RIGI: variants seen among roughly 807,000 people sequenced by gnomAD.
RIGI encodes the protein antiviral innate immune response receptor RIG-I.
At chr9:32,480,330 T>C in the RIGI span, 1 of 1,604,454 alleles carries the variant, frequency 6.2e-7, no homozygotes, top group African/African-American at 1.3e-5. Context: ...GCATGCTCAC[T>C]GATAATGAGG....
the RIGI span, among the ~76,000 whole-genome samples, chr9:32,497,582 C>T: frequency 6.6e-6 from 1 of 152,136 alleles, no homozygotes; most frequent in Non-Finnish European, 1.5e-5. Flanking sequence ...CCCGTCTCTA[C>T]TAAAAATACA....
the RIGI span, among the ~76,000 whole-genome samples, chr9:32,462,271 T>C: frequency 1.3e-5 from 2 of 152,154 alleles, no homozygotes; most frequent in East Asian, 1.9e-4. Context: ...GCTACACTTA[T>C]TGTCACTGCG....
At chr9:32,468,485 G>C in the RIGI span, among the ~76,000 whole-genome samples, 1 of 152,090 alleles carries the variant, frequency 6.6e-6, no homozygotes, top group Non-Finnish European at 1.5e-5. Context: ...GGTTAACACA[G>C]GGAGAACCCA....
At chr9:32,521,786 A>G in the RIGI span, among the ~76,000 whole-genome samples, 2 of 152,024 alleles carry the variant, frequency 1.3e-5, no homozygotes, top group East Asian at 1.9e-4. Flanking sequence ...TAAAATTCTG[A>G]TATGTCTTAA....
the RIGI span, among the ~76,000 whole-genome samples, chr9:32,501,761 A>G: frequency 1.3e-5 from 2 of 152,204 alleles, no homozygotes; most frequent in Admixed American, 6.5e-5. Flanking sequence ...CTATATTCTC[A>G]TAGATTAGAA....
At chr9:32,487,763 GGAGGCACATAATGCATATTTACTAA>G in the RIGI span, 20 of 1,239,078 alleles carry the variant, frequency 1.6e-5, no homozygotes, top group African/African-American at 3.0e-5. Context: ...TATGGCACAT[GGAGGCACATAATGCATATTTACTAA>G]GTGAACAAAT....
chr9:32,509,004 C>A, the RIGI span, among the ~76,000 whole-genome samples: 1 of 152,150 alleles, frequency 6.6e-6, no homozygotes, highest in Admixed American at 6.6e-5. Flanking sequence ...ACTGGGTAGA[C>A]CCTACTGCAG....
the RIGI span, chr9:32,489,361 A>T: frequency 6.2e-7 from 1 of 1,611,452 alleles, no homozygotes; most frequent in Non-Finnish European, 8.5e-7. Context: ...AGCACATATT[A>T]TTGTGTTTTT....
At chr9:32,458,958 C>T in the RIGI span, among the ~76,000 whole-genome samples, 1 of 144,212 alleles carries the variant, frequency 6.9e-6, no homozygotes, top group Non-Finnish European at 1.5e-5. Flanking sequence ...GGCGCGATAT[C>T]AGCTCACCGC....
At chr9:32,479,534 C>G in the RIGI span, among the ~76,000 whole-genome samples, 1 of 152,026 alleles carries the variant, frequency 6.6e-6, no homozygotes, top group South Asian at 2.1e-4. Flanking sequence ...TTGGTTTCCT[C>G]TTTATGTAAA....
chr9:32,478,041 G>GTTTTTTTTTTTTTTTTT, the RIGI span, among the ~76,000 whole-genome samples: 2 of 151,364 alleles, frequency 1.3e-5, no homozygotes, highest in African/African-American at 4.9e-5. Flanking sequence ...TGTTTTATCG[G>GTTTTTTTTTTTTTTTTT]TTTTTGTTTT....
the RIGI span, chr9:32,480,122 C>A: frequency 2.9e-6 from 4 of 1,383,306 alleles, no homozygotes; most frequent in East Asian, 9.4e-5. Flanking sequence ...CCTAAGCATC[C>A]CCAAGTTTAT....
chr9:32,483,627 C>T, the RIGI span, among the ~76,000 whole-genome samples: 80 of 152,222 alleles, frequency 5.3e-4, no homozygotes, highest in African/African-American at 1.9e-3. Flanking sequence ...ATACTCTACC[C>T]AGTGGTTAGA....
chr9:32,498,434 CTGG>C, the RIGI span: 1 of 447,598 alleles, frequency 2.2e-6, no homozygotes, highest in Non-Finnish European at 4.6e-6. Context: ...TTTCCTGCTT[CTGG>C]CCCGAGGCTA....
the RIGI span, among the ~76,000 whole-genome samples, chr9:32,493,327 A>G: frequency 6.6e-6 from 1 of 152,220 alleles, no homozygotes; most frequent in Non-Finnish European, 1.5e-5. Context: ...CTCAGTTCAC[A>G]TTAAAAGTAC....
chr9:32,513,563 A>G, the RIGI span, among the ~76,000 whole-genome samples: 3 of 152,336 alleles, frequency 2.0e-5, no homozygotes, highest in African/African-American at 4.8e-5. Context: ...CTTACACCTT[A>G]GACAAAAATT....
chr9:32,473,766 A>G, the RIGI span, among the ~76,000 whole-genome samples: 2 of 152,174 alleles, frequency 1.3e-5, no homozygotes, highest in East Asian at 1.9e-4. Context: ...AGTGGCTCAC[A>G]CTTATAATCC....
the RIGI span, among the ~76,000 whole-genome samples, chr9:32,495,642 C>T: frequency 6.8e-6 from 1 of 146,218 alleles, no homozygotes; most frequent in East Asian, 2.1e-4. Context: ...GGATAAATGT[C>T]TATTCAAGTC....
At chr9:32,457,351 G>A in the RIGI span, 1 of 1,613,826 alleles carries the variant, frequency 6.2e-7, no homozygotes, top group Non-Finnish European at 8.5e-7. Context: ...AAACTGCTTT[G>A]GCTTGGGATG....
Sources: gnomAD v4.1 joint callset for allele counts (sites outside exome capture counted in the v4.1 genomes callset) on GRCh38, gnomAD v4.1.1 for gene constraint, MANE v1.5 for transcripts, NCBI Gene and HGNC (gene_info 2026-07-23, HGNC 2026-07-21) for gene names.